Variants in MAN2B2 observed in about 807,000 individuals in gnomAD.
MAN2B2 encodes the protein mannosidase alpha class 2B member 2, also known as epididymis-specific alpha-mannosidase.
MAN2B2 carries 106 observed loss-of-function variants against 117.1 expected under a neutral mutation model. The ratio of observed to expected loss-of-function variants is 0.90; its 90% CI spans 0.77 to 1.06. The LOEUF (loss-of-function observed/expected upper bound fraction) is 1.06. Ranked by LOEUF, MAN2B2 falls within the 50% of genes least tolerant of loss-of-function variation. The pLI is 0.00. For missense variants in MAN2B2, 1,326 were observed against 1,381.4 expected, an observed-to-expected ratio of 0.96 and a Z score of 0.64; for synonymous variants, 544 against 595.1, an observed-to-expected ratio of 0.91 and a Z score of 1.25.
In MAN2B2 at chr4:6,591,298, A is replaced by C. The variant is rs571316887; in HGVS notation, c.681-1875A>C. Among the ~76,000 whole-genome samples the C allele has an allele frequency of 1.6e-3, 248 of 152,228 alleles. 1 individual carries two copies. The highest frequency in any genetic ancestry group is 2.7e-3 in the Non-Finnish European group (181 of 68,004). ...TGGTGAGGGAGGGGTCCTCACCCTA[A>C]ATGGTAGATGGTTGAATACACACCA... is the stretch of plus-strand genomic sequence containing the variant. On this transcript the variant is annotated intron_variant, in intron 5 of 18. Coordinates refer to ENST00000285599, the MANE Select transcript of MAN2B2 (RefSeq NM_015274.3).
At chr4:6,575,715 T>A (rs1350368212) in intron 1 of MAN2B2, among the ~76,000 whole-genome samples, 2 of 152,078 alleles carry the variant, frequency 1.3e-5, no homozygotes, top group Non-Finnish European at 2.9e-5. Flanking sequence ...GCCGGGCTGG[T>A]CCCCTGCGGG....
intron 3 of MAN2B2, among the ~76,000 whole-genome samples, chr4:6,586,112 G>A (rs574117847): frequency 2.6e-5 from 4 of 151,746 alleles, no homozygotes; most frequent in South Asian, 2.1e-4. Context: ...GCAGTGGCAG[G>A]ATCATGGCTC....
Position 6,621,943 on chromosome 4 carries a change from C to G in MAN2B2, c.*658C>G, listed in dbSNP as rs1712195530. 6.6e-6 allele frequency: 1 copy of G among 152,296 alleles called. No homozygotes were observed. The highest frequency in any genetic ancestry group is 2.1e-4 in the South Asian group (1 of 4,840). 9.4% of individuals were successfully genotyped at this position (152,296 alleles called of 1,614,324 possible). A position where few individuals can be genotyped will look rare whatever the true frequency, so the allele number is the denominator to read the frequency against. ...TTAATATCAATAAAAGTATAACCTTCCCAGGTCTATGCCCAAGAGAATTGA... is the reference window on the plus strand; with the variant it reads ...TTAATATCAATAAAAGTATAACCTTGCCAGGTCTATGCCCAAGAGAATTGA... On this transcript the variant is annotated 3_prime_UTR_variant, in exon 19 of 19. Coordinates refer to ENST00000285599, the MANE Select transcript of MAN2B2 (RefSeq NM_015274.3).
rs139126209 is a variant in MAN2B2 at position 6,614,291 on chromosome 4, C to T, written c.2637C>T (p.Ile879=). 70 of 1,614,072 alleles carry T rather than the reference C, an allele frequency of 4.3e-5. 1 individual carries two copies. The highest frequency in any genetic ancestry group is 3.5e-4 in the Admixed American group (21 of 60,004). Residue 879 remains isoleucine, a synonymous_variant, in exon 16 of 19, where the codon ATC becomes ATT. Coordinates refer to ENST00000285599, the MANE Select transcript of MAN2B2 (RefSeq NM_015274.3). The stretch of plus-strand genomic sequence containing the variant: ...TGCCCCCGAATCTTCACCTGCAGAT[C>T]CTGAGCATCCCTGGCTGGCGCTACA... ...VTLPPNLHLQ[I]LSIPGWRYSS...
chr4:6,609,030 G>C, intron 11 of MAN2B2, 77 bp from the exon 12 acceptor site: 1 of 1,409,736 alleles, frequency 7.1e-7, no homozygotes, highest in Admixed American at 2.0e-5. Flanking sequence ...GGCATCTGGA[G>C]AGAGAGGCTT....
Position 6,621,224 on chromosome 4 carries a change from C to T in MAN2B2, c.2969C>T (p.Pro990Leu), listed in dbSNP as rs1712156814. The change falls in exon 19 of 19, where the codon CCC becomes CTC. Residue 990 changes from proline to leucine, a missense_variant. Pro to Leu is a moderately conservative substitution (Grantham distance 98). Transcript: ENST00000285599. Reference sequence around the variant, plus strand: ...TCTCCCTCGAGGCCACCAGGAGGCCCCATCATCACCGTCCACCCAAAGGAA... The same window carrying T: ...TCTCCCTCGAGGCCACCAGGAGGCCTCATCATCACCGTCCACCCAAAGGAA... ...TTSPSRPPGG[P>L]IITVHPKEIR... The T allele has an allele frequency of 1.2e-6, 2 of 1,614,094 alleles. No homozygotes were observed. The highest frequency in any genetic ancestry group is 1.7e-6 in the Non-Finnish European group (2 of 1,179,972).
intron 5 of MAN2B2, 64 bp from the exon 6 acceptor site, chr4:6,593,109 G>T: frequency 6.5e-7 from 1 of 1,528,314 alleles, no homozygotes; most frequent in Admixed American, 1.9e-5. Flanking sequence ...CATGGCACTT[G>T]GGTGTGAGCC....
chr4:6,600,792 T>A, intron 10 of MAN2B2, 36 bp downstream of exon 10: 4 of 1,609,476 alleles, frequency 2.5e-6, no homozygotes, highest in Non-Finnish European at 3.4e-6. Context: ...GGGCCTTAGC[T>A]GCTTGCTGAA....
Position 6,587,094 on chromosome 4 carries a change from G to A in MAN2B2, c.490G>A (p.Ala164Thr). 1 of 1,614,020 alleles carries A rather than the reference G, an allele frequency of 6.2e-7. No homozygotes were observed. Among genetic ancestry groups the A allele is most frequent in the South Asian group, 1.1e-5 (1 of 91,080 alleles). ...GASATTPTLFALAGFNAHLGS... is the reference protein window; with the variant it reads ...GASATTPTLFTLAGFNAHLGS... Reference sequence around the variant, plus strand: ...CTCTGCCACGACGCCCACCCTATTTGCGCTGGCGGGCTTCAATGCCCACCT... The same window carrying A: ...CTCTGCCACGACGCCCACCCTATTTACGCTGGCGGGCTTCAATGCCCACCT... The change falls in exon 4 of 19, where the codon GCG becomes ACG. Residue 164 changes from alanine to threonine, a missense_variant. Coordinates refer to ENST00000285599, the MANE Select transcript of MAN2B2 (RefSeq NM_015274.3).
chr4:6,598,964 T>A (rs925943023), intron 9 of MAN2B2, among the ~76,000 whole-genome samples: 1 of 152,246 alleles, frequency 6.6e-6, no homozygotes, highest in Admixed American at 6.5e-5. Flanking sequence ...TGCCTGGGAC[T>A]GAGGGGTTTC....
At chr4:6,583,160 A>T (rs1726501726) in intron 3 of MAN2B2, among the ~76,000 whole-genome samples, 1 of 152,126 alleles carries the variant, frequency 6.6e-6, no homozygotes, top group Non-Finnish European at 1.5e-5. Flanking sequence ...GGGATAGGGA[A>T]TGGTGGAGCC....
intron 8 of MAN2B2, 91 bp downstream of exon 8, chr4:6,597,394 G>T: frequency 7.6e-7 from 1 of 1,315,054 alleles, no homozygotes; most frequent in Non-Finnish European, 1.0e-6. Context: ...TCCAGCCCTG[G>T]GGCACTAGAG....
At chr4:6,579,355 CCACCATCACCAT>C (rs1453897311) in intron 3 of MAN2B2, among the ~76,000 whole-genome samples, 2 of 112,726 alleles carry the variant, frequency 1.8e-5, no homozygotes, top group African/African-American at 3.5e-5. Flanking sequence ...ACCATCACCA[CCACCATCACCAT>C]CACCACCACC....
chr4:6,605,159 C>G lies in MAN2B2; in HGVS notation c.1644C>G (p.Ala548=). The change falls in exon 11 of 19, where the codon GCC becomes GCG. Residue 548 remains alanine, a synonymous_variant. Transcript: ENST00000285599. ...RHYNIRPTAG[A]QEGTQEPAAT... ...ACAACATCAGACCCACTGCAGGGGC[C>G]CAAGAGGGCACCCAGGAGCCGGCTG... 6.2e-7 allele frequency: 1 copy of G among 1,614,234 alleles called. No individual in the cohort carries two copies. Among genetic ancestry groups the G allele is most frequent in the Non-Finnish European group, 8.5e-7 (1 of 1,180,034 alleles).
rs781294868 is a variant in MAN2B2, at chr4:6,576,568, C to T, written c.139-10C>T. 4 of 1,610,424 alleles carry T rather than the reference C, an allele frequency of 2.5e-6. No individual in the cohort carries two copies. In the East Asian group the frequency reaches 6.7e-5, roughly 27 times the overall value. ...GGACCGGGGCTGGCATGATGCTGTC[C>T]CCTCCCCAGGAAAGCATGCGGGCGT... is the stretch of plus-strand genomic sequence containing the variant. On this transcript the variant is annotated splice_polypyrimidine_tract_variant and intron_variant, in intron 1 of 18. Coordinates refer to ENST00000285599, the MANE Select transcript of MAN2B2 (RefSeq NM_015274.3).
intron 3 of MAN2B2, among the ~76,000 whole-genome samples, chr4:6,578,889 A>G (rs1430144990): frequency 6.6e-6 from 1 of 151,814 alleles, no homozygotes; most frequent in African/African-American, 2.4e-5. Context: ...GTTCCCTAGT[A>G]AATGCTCAGT....
intron 8 of MAN2B2, 123 bp from the exon 9 acceptor site, chr4:6,598,074 TG>T: frequency 9.7e-7 from 1 of 1,030,166 alleles, no homozygotes; most frequent in South Asian, 1.6e-5. Flanking sequence ...TGGCGGGGAC[TG>T]CCCCCTTCTC....
At chr4:6,579,331 C>CCAT (rs1726309913) in intron 3 of MAN2B2, among the ~76,000 whole-genome samples, 1 of 84,792 alleles carries the variant, frequency 1.2e-5, no homozygotes, top group Non-Finnish European at 2.5e-5. Context: ...ACCACCACCA[C>CCAT]CACCACCACC....
In MAN2B2 at chr4:6,593,331, C is replaced by T. The variant is rs146983145; in HGVS notation, c.839C>T (p.Pro280Leu). The part of the protein sequence containing the change: ...VKQRAAWFRT[P>L]HVLWPWGCDK... ...CAGAGGGCCGCCTGGTTCCGGACACCGCACGTCCTCTGGCCCTGGGTAAGG... is the reference window on the plus strand; with the variant it reads ...CAGAGGGCCGCCTGGTTCCGGACACTGCACGTCCTCTGGCCCTGGGTAAGG... The change falls in exon 6 of 19, where the codon CCG (proline) becomes CTG (leucine). Residue 280 changes from proline (P) to leucine (L), a missense_variant. By Grantham distance (98) the Pro-to-Leu change is moderately conservative. Coordinates refer to ENST00000285599, the MANE Select transcript of MAN2B2 (RefSeq NM_015274.3). 5.0e-6 allele frequency: 8 copies of T among 1,612,898 alleles called. No homozygotes were observed. The highest frequency in any genetic ancestry group is 1.3e-5 in the African/African-American group (1 of 74,910).
Sources: gnomAD v4.1 joint callset for allele counts (sites outside exome capture counted in the v4.1 genomes callset) on GRCh38, gnomAD v4.1.1 for gene constraint, MANE v1.5 for transcripts, NCBI Gene and HGNC (gene_info 2026-07-23, HGNC 2026-07-21) for gene names.